SH3D19: variants seen among roughly 807,000 people sequenced by gnomAD.
SH3D19 encodes the protein SH3 domain-containing protein 19.
SH3D19 carries 58 observed loss-of-function variants against 112.1 expected under a neutral mutation model. The observed-to-expected ratio is 0.52, with a 90% CI of 0.42 to 0.64. The LOEUF is 0.64. Among genes scored for constraint, SH3D19 ranks in the 30% least tolerant of loss-of-function variants. The pLI is 0.00. For missense variants in SH3D19, 1,090 were observed against 1,263.4 expected, an observed-to-expected ratio of 0.86 and a Z score of 2.08; for synonymous variants, 391 against 448.5, an observed-to-expected ratio of 0.87 and a Z score of 1.62.
At chr4:151,177,096 G>T in intron 4 of SH3D19, 141 bp from the exon 5 acceptor site, 1 of 626,670 alleles carries the variant, frequency 1.6e-6, no homozygotes, top group Non-Finnish European at 2.3e-6. Flanking sequence ...GACCTGTCAG[G>T]CCTGGGCTGT....
intron 4 of SH3D19, among the ~76,000 whole-genome samples, chr4:151,177,187 T>C (rs192809387): frequency 6.6e-6 from 1 of 152,328 alleles, no homozygotes; most frequent in East Asian, 1.9e-4. Context: ...AAGTTAGAGT[T>C]GGACCCTGGG....
At chr4:151,233,230 G>A (rs761585862) in intron 1 of SH3D19, among the ~76,000 whole-genome samples, 1 of 151,658 alleles carries the variant, frequency 6.6e-6, no homozygotes, top group Non-Finnish European at 1.5e-5. Context: ...ATGGTGAGTT[G>A]TATAATTATT....
At position 151,325,421 on chromosome 4, in the gene SH3D19, A is replaced by T; in HGVS notation, c.-69T>A. On this transcript the variant is annotated 5_prime_UTR_variant, in exon 1 of 20. Transcript: ENST00000604030. ...GGCCCCGGCGCCCCAGAACGCCTGC[A>T]CCCGGCGCCCCACGCCACCGCCCTC... 1.2e-6 allele frequency: 1 copy of T among 808,074 alleles called. No individual in the cohort carries two copies. The highest frequency in any genetic ancestry group is 1.6e-6 in the Non-Finnish European group (1 of 615,822). The allele number at this position is 808,074 out of a possible 1,614,324, so 50.1% of individuals were successfully genotyped here.
At chr4:151,202,558 A>G (rs987614175) in intron 2 of SH3D19, among the ~76,000 whole-genome samples, 1 of 152,160 alleles carries the variant, frequency 6.6e-6, no homozygotes, top group Non-Finnish European at 1.5e-5. Context: ...CTATGTCACC[A>G]TAAGAATGTC....
At chr4:151,158,925 T>C (rs2149795661) in intron 9 of SH3D19, among the ~76,000 whole-genome samples, 1 of 152,296 alleles carries the variant, frequency 6.6e-6, no homozygotes, top group African/African-American at 2.4e-5. Context: ...TAAAGTTATT[T>C]CCCTGAATAT....
At chr4:151,138,301 A>T (rs574576087) in intron 13 of SH3D19, among the ~76,000 whole-genome samples, 1 of 152,340 alleles carries the variant, frequency 6.6e-6, no homozygotes, top group Admixed American at 6.5e-5. Flanking sequence ...CCCATACCAA[A>T]ACAAAAATCA....
At chr4:151,145,456 T>G (rs981952727) in intron 11 of SH3D19, among the ~76,000 whole-genome samples, 5 of 152,122 alleles carry the variant, frequency 3.3e-5, no homozygotes, top group African/African-American at 1.2e-4. Flanking sequence ...CTCCCTACCC[T>G]GCACCTTGTG....
At chr4:151,236,744 G>C (rs1025040984) in intron 1 of SH3D19, among the ~76,000 whole-genome samples, 5 of 152,116 alleles carry the variant, frequency 3.3e-5, no homozygotes, top group Admixed American at 2.6e-4. Flanking sequence ...TAATCAGGTG[G>C]GGACTTGGAG....
At chr4:151,222,667 CTTT>C (rs1554057762) in intron 2 of SH3D19, among the ~76,000 whole-genome samples, 1 of 87,240 alleles carries the variant, frequency 1.1e-5, no homozygotes, top group East Asian at 3.6e-4. Context: ...CTCTCTCTCT[CTTT>C]TTTTTTTTTT....
intron 1 of SH3D19, among the ~76,000 whole-genome samples, chr4:151,275,861 T>TTTTTTTTTTTTTG (rs201239876): frequency 7.6e-6 from 1 of 132,378 alleles, no homozygotes; most frequent in Non-Finnish European, 1.7e-5. Flanking sequence ...TTTTTTTTTT[T>TTTTTTTTTTTTTG]AGACGGAGTC....
At chr4:151,215,068 C>T (rs1288783445) in intron 2 of SH3D19, among the ~76,000 whole-genome samples, 1 of 141,058 alleles carries the variant, frequency 7.1e-6, no homozygotes, top group Admixed American at 7.0e-5. Flanking sequence ...ACATCTCAGA[C>T]GATGGGCGGC....
chr4:151,147,430 C>T (rs1346338589), intron 11 of SH3D19, among the ~76,000 whole-genome samples: 1 of 152,148 alleles, frequency 6.6e-6, no homozygotes, highest in African/African-American at 2.4e-5. Flanking sequence ...CTACATTTCT[C>T]CTAATAATGA....
chr4:151,272,216 C>T (rs1241793762), intron 1 of SH3D19, among the ~76,000 whole-genome samples: 1 of 152,136 alleles, frequency 6.6e-6, no homozygotes, highest in African/African-American at 2.4e-5. Context: ...CGGTGATAAA[C>T]AAGCAATGCA....
intron 8 of SH3D19, among the ~76,000 whole-genome samples, chr4:151,161,853 C>T (rs1757225503): frequency 6.6e-6 from 1 of 150,512 alleles, no homozygotes; most frequent in Admixed American, 6.6e-5. Flanking sequence ...CAACGTCTGC[C>T]TCCTGGGTTC....
chr4:151,190,428 C>T (rs1377459390), intron 2 of SH3D19, among the ~76,000 whole-genome samples: 1 of 152,214 alleles, frequency 6.6e-6, no homozygotes, highest in Non-Finnish European at 1.5e-5. Flanking sequence ...GGCGGCTCCT[C>T]CCATCACAGG....
At chr4:151,149,748 A>G (rs1029746983) in intron 9 of SH3D19, among the ~76,000 whole-genome samples, 187 bp from the exon 10 acceptor site, 4 of 152,152 alleles carry the variant, frequency 2.6e-5, no homozygotes, top group African/African-American at 7.2e-5. Flanking sequence ...TTCATGTCCT[A>G]ATAACAAGTG....
chr4:151,321,569 GT>G (rs1208761156), intron 1 of SH3D19, among the ~76,000 whole-genome samples: 1 of 152,076 alleles, frequency 6.6e-6, no homozygotes, highest in Non-Finnish European at 1.5e-5. Context: ...AAGTTAGCCT[GT>G]GGAAATCTCC....
At chr4:151,238,149 C>A (rs760669129) in intron 1 of SH3D19, among the ~76,000 whole-genome samples, 2 of 152,178 alleles carry the variant, frequency 1.3e-5, no homozygotes, top group South Asian at 2.1e-4. Context: ...ATTCCTAGTT[C>A]ATCATGTGGG....
intron 1 of SH3D19, 70 bp from the exon 2 acceptor site, chr4:151,226,156 C>T (rs1377278179): frequency 8.1e-6 from 10 of 1,230,212 alleles, no homozygotes; most frequent in Non-Finnish European, 9.1e-6. Flanking sequence ...TTTTAAATAC[C>T]AGCTGCCATA....
Sources: gnomAD v4.1 joint callset for allele counts (sites outside exome capture counted in the v4.1 genomes callset) on GRCh38, gnomAD v4.1.1 for gene constraint, MANE v1.5 for transcripts, NCBI Gene and HGNC (gene_info 2026-07-23, HGNC 2026-07-21) for gene names.